Variants in MAMLD1 observed in about 807,000 individuals in gnomAD.
MAMLD1 encodes the protein mastermind-like domain-containing protein 1.
In MAMLD1, 14 loss-of-function variants were observed where a neutral mutation model predicts 45.0. The ratio of observed to expected loss-of-function variants is 0.31; its 90% CI spans 0.21 to 0.49. The LOEUF is 0.49. Ranked by LOEUF, MAMLD1 falls within the 20% of genes least tolerant of loss-of-function variation. The pLI, the probability that MAMLD1 is intolerant of heterozygous loss-of-function variation, is 0.99. For missense variants in MAMLD1, 543 were observed against 603.6 expected (o/e 0.90, Z 1.05); for synonymous variants, 254 against 247.8 (o/e 1.02, Z -0.24).
intron 1 of MAMLD1, among the ~76,000 whole-genome samples, chrX:150,398,245 G>GGAGAAA (rs1557402311): frequency 6.3e-4 from 56 of 88,432 alleles, no homozygotes; most frequent in Non-Finnish European, 9.3e-4. Flanking sequence ...AGGAGAAGGA[G>GGAGAAA]GAGAAGGAGA....
rs781831991 is a variant in MAMLD1 at position 150,398,337 on chromosome X, A to AGAAGAGGAAGAGGAAGAG, written c.-64+34831_-64+34848dup. 2.0e-3 allele frequency among the ~76,000 whole-genome samples: 104 copies of AGAAGAGGAAGAGGAAGAG among 52,305 alleles called. 2 individuals carry two copies. Among genetic ancestry groups the AGAAGAGGAAGAGGAAGAG allele is most frequent in the African/African-American group, 6.8e-3 (92 of 13,596 alleles). 45.4% of individuals were successfully genotyped at this position (52,305 alleles called of 115,157 possible). Reference sequence around the variant, plus strand: ...AAGAAGAAGAAGAAGAAGAAGAAGAAGAAGAGGAAGAGGAAGAGGAAGAGG... The same window carrying AGAAGAGGAAGAGGAAGAG: ...AAGAAGAAGAAGAAGAAGAAGAAGAAGAAGAGGAAGAGGAAGAGGAAGAGGAAGAGGAAGAGGAAGAGG... On this transcript the variant is annotated intron_variant, in intron 1 of 7. Transcript: ENST00000370401.
intron 5 of MAMLD1, among the ~76,000 whole-genome samples, chrX:150,482,980 A>C (rs1385785672): frequency 2.7e-5 from 3 of 112,344 alleles, no homozygotes; most frequent in African/African-American, 6.5e-5. Flanking sequence ...GGGATGACTC[A>C]CAGTTTGCTG....
intron 2 of MAMLD1, among the ~76,000 whole-genome samples, chrX:150,453,048 C>T (rs782239771): frequency 6.3e-5 from 7 of 110,859 alleles, no homozygotes; most frequent in Admixed American, 4.8e-4. Context: ...GAAATCTTTA[C>T]GTTTTTCTGC....
Position 150,368,225 on chromosome X carries a change from T to C in MAMLD1, c.-64+4695T>C, listed in dbSNP as rs782046183. ...TCCACATCCTCTCCAGCACCTGTTG[T>C]TTCCTGACTTTTTAATGATCGCCAT... On this transcript the variant is annotated intron_variant, in intron 1 of 7. Transcript: ENST00000370401. Among the ~76,000 whole-genome samples, 29 of 110,764 alleles carry C rather than the reference T, an allele frequency of 2.6e-4. No homozygotes were observed. The Admixed American group carries it at 2.8e-3, about 11-fold the overall frequency.
intron 2 of MAMLD1, among the ~76,000 whole-genome samples, chrX:150,446,000 G>T (rs1602836872): frequency 9.0e-6 from 1 of 111,649 alleles, no homozygotes; most frequent in Admixed American, 9.5e-5. Flanking sequence ...AGAACAAAAA[G>T]CTAGTGAGTA....
At chrX:150,509,105 C>T (rs782272032) in intron 6 of MAMLD1, among the ~76,000 whole-genome samples, 52 of 111,755 alleles carry the variant, frequency 4.7e-4, no homozygotes, top group African/African-American at 1.5e-3. Flanking sequence ...AAACTTGGCT[C>T]GCTCCTCCCC....
intron 3 of MAMLD1, among the ~76,000 whole-genome samples, chrX:150,468,980 T>TGC (rs2036315412): frequency 9.3e-6 from 1 of 107,086 alleles, no homozygotes; most frequent in Non-Finnish European, 1.9e-5. Context: ...TGTGTGAGAG[T>TGC]GTGTGTGTGT....
intron 5 of MAMLD1, among the ~76,000 whole-genome samples, chrX:150,476,165 G>A (rs1392241683): frequency 5.4e-5 from 6 of 111,257 alleles, no homozygotes; most frequent in Admixed American, 4.8e-4. Flanking sequence ...ACTCTTTATG[G>A]AGTTGCAACA....
intron 3 of MAMLD1, among the ~76,000 whole-genome samples, chrX:150,465,770 AAAG>A (rs1557405865): frequency 1.8e-5 from 2 of 112,455 alleles, no homozygotes; most frequent in African/African-American, 6.5e-5. Flanking sequence ...GAGAGGCCTG[AAAG>A]AAGTAGGAGC....
chrX:150,378,039 C>A, intron 1 of MAMLD1, among the ~76,000 whole-genome samples: 1 of 112,222 alleles, frequency 8.9e-6, no homozygotes, highest in Non-Finnish European at 1.9e-5. Flanking sequence ...AGGCTTTATT[C>A]AGATTTTGCC....
chrX:150,382,882 TTTA>T lies in MAMLD1; in HGVS notation c.-64+19355_-64+19357del, dbSNP rs1569564429. On this transcript the variant is annotated intron_variant, in intron 1 of 7. Coordinates refer to ENST00000370401, the MANE Select transcript of MAMLD1 (RefSeq NM_005491.5). ...TTACAAATATTTTGTCCCATTTTAT[TTTA>T]TTTTTTTTTTTTTTTATTTTTTATT... Among the ~76,000 whole-genome samples the T allele has an allele frequency of 2.1e-4, 4 of 19,314 alleles. 1 individual carries two copies. Among genetic ancestry groups the T allele is most frequent in the Non-Finnish European group, 3.6e-4 (4 of 11,063 alleles). The allele number at this position is 19,314 out of a possible 115,157, so 16.8% of individuals were successfully genotyped here.
chrX:150,463,685 C>G (rs1307820367), intron 3 of MAMLD1, among the ~76,000 whole-genome samples: 6 of 111,835 alleles, frequency 5.4e-5, no homozygotes, highest in Admixed American at 9.5e-5. Flanking sequence ...CAGGCTGCTG[C>G]TCAGATAGTT....
At chrX:150,408,539 G>A (rs2034051008) in intron 1 of MAMLD1, among the ~76,000 whole-genome samples, 1 of 111,988 alleles carries the variant, frequency 8.9e-6, no homozygotes, top group African/African-American at 3.3e-5. Context: ...CTATATATTA[G>A]TAACTTGCCT....
chrX:150,466,702 G>T (rs2124638104), intron 3 of MAMLD1, among the ~76,000 whole-genome samples: 1 of 112,255 alleles, frequency 8.9e-6, no homozygotes, highest in Non-Finnish European at 1.9e-5. Flanking sequence ...GGGACCATTT[G>T]CTTGGGATGC....
intron 1 of MAMLD1, among the ~76,000 whole-genome samples, chrX:150,413,416 C>T (rs1441258014): frequency 9.0e-6 from 1 of 111,507 alleles, no homozygotes; most frequent in African/African-American, 3.3e-5. Context: ...GGAGGTGCAG[C>T]TTCTCCCTTT....
chrX:150,446,200 G>C (rs1557404788), intron 2 of MAMLD1, among the ~76,000 whole-genome samples: 2 of 112,000 alleles, frequency 1.8e-5, no homozygotes, highest in African/African-American at 6.5e-5. Flanking sequence ...CCATTGACTA[G>C]TTTAATTTGA....
chrX:150,459,380 A>G (rs1157224571), intron 2 of MAMLD1, among the ~76,000 whole-genome samples: 1 of 111,034 alleles, frequency 9.0e-6, no homozygotes, highest in African/African-American at 3.3e-5. Context: ...TTGTAGAGGA[A>G]GTTGGTATAG....
At chrX:150,473,875 G>A in intron 5 of MAMLD1, 73 bp downstream of exon 5, 1 of 1,070,943 alleles carries the variant, frequency 9.3e-7, no homozygotes. Flanking sequence ...CCCAGAGCTG[G>A]ATCAGCTGGC....
intron 1 of MAMLD1, among the ~76,000 whole-genome samples, chrX:150,375,765 A>G (rs1313077105): frequency 1.9e-5 from 2 of 105,623 alleles, no homozygotes; most frequent in Non-Finnish European, 3.9e-5. Flanking sequence ...CATCCTTGGC[A>G]GAGCATCTCA....
Sources: gnomAD v4.1 joint callset for allele counts (sites outside exome capture counted in the v4.1 genomes callset) on GRCh38, gnomAD v4.1.1 for gene constraint, MANE v1.5 for transcripts, NCBI Gene and HGNC (gene_info 2026-07-23, HGNC 2026-07-21) for gene names.